Variants in CDH10 observed in about 807,000 individuals in gnomAD.
CDH10 encodes the protein cadherin-10.
Under a neutral mutation model 73.1 loss-of-function variants are expected in CDH10, and 30 were observed. The observed-to-expected ratio is 0.41, with a 90% CI of 0.31 to 0.56. CDH10 has a LOEUF of 0.56. Among genes scored for constraint, CDH10 ranks in the 20% least tolerant of loss-of-function variants. CDH10 has a pLI of 0.27. For synonymous variants in CDH10, 345 were observed against 348.2 expected (o/e 0.99, Z 0.10); for missense variants, 815 against 973.7 (o/e 0.84, Z 2.17).
chr5:24,535,768 T>C lies in CDH10; in HGVS notation c.581A>G (p.Asn194Ser), dbSNP rs1743928875. 1 of 1,610,570 alleles carries C rather than the reference T, an allele frequency of 6.2e-7. No individual in the cohort carries two copies. The highest frequency in any genetic ancestry group is 1.3e-5 in the African/African-American group (1 of 74,834). ...ATDADDPSYGNSARVIYSILQ... is the reference protein window; with the variant it reads ...ATDADDPSYGSSARVIYSILQ... ...TATGCTGTAAATGACTCTGGCGCTG[T>C]TCCCATATGAAGGGTCATCGGCATC... The change falls in exon 4 of 12, where the codon AAC (asparagine) becomes AGC (serine). Residue 194 changes from asparagine to serine, a missense_variant. Asn to Ser is a conservative substitution (Grantham distance 46, BLOSUM62 1). Transcript: ENST00000264463.
At chr5:24,488,255 A>G in intron 11 of CDH10, 102 bp from the exon 12 acceptor site, 1 of 964,542 alleles carries the variant, frequency 1.0e-6, no homozygotes, top group Non-Finnish European at 1.5e-6. Context: ...GCTTTCTATA[A>G]CAGCTTAGAC....
At chr5:24,525,372 C>A (rs553082752) in intron 5 of CDH10, among the ~76,000 whole-genome samples, 1 of 151,804 alleles carries the variant, frequency 6.6e-6, no homozygotes, top group Non-Finnish European at 1.5e-5. Flanking sequence ...TTAACTTTAG[C>A]TTAATTTTTT....
intron 1 of CDH10, among the ~76,000 whole-genome samples, chr5:24,627,559 T>C (rs1339946096): frequency 6.6e-6 from 1 of 152,174 alleles, no homozygotes; most frequent in African/African-American, 2.4e-5. Flanking sequence ...TCTGGCTCTC[T>C]TGTTTACTAG....
intron 5 of CDH10, 113 bp downstream of exon 5, chr5:24,534,999 A>G (rs1743893496): frequency 1.1e-6 from 1 of 944,308 alleles, no homozygotes; most frequent in African/African-American, 1.7e-5. Flanking sequence ...CATTTTCAAT[A>G]TGTTTTAAAT....
intron 2 of CDH10, among the ~76,000 whole-genome samples, chr5:24,563,950 A>C (rs1745068667): frequency 6.6e-6 from 1 of 152,170 alleles, no homozygotes; most frequent in South Asian, 2.1e-4. Context: ...AATCATATTA[A>C]TCTGCTTCTG....
At chr5:24,498,991 G>A (rs1219962808) in intron 8 of CDH10, among the ~76,000 whole-genome samples, 2 of 152,192 alleles carry the variant, frequency 1.3e-5, no homozygotes, top group East Asian at 1.9e-4. Context: ...CTTCCACAGC[G>A]TGGAAGGGGA....
chr5:24,498,137 T>C (rs1742359879), intron 9 of CDH10, among the ~76,000 whole-genome samples: 1 of 152,196 alleles, frequency 6.6e-6, no homozygotes, highest in African/African-American at 2.4e-5. Context: ...AAAGTAGTTA[T>C]TTTTTCTTAT....
chr5:24,602,678 T>G (rs1746608830), intron 1 of CDH10, among the ~76,000 whole-genome samples: 1 of 152,186 alleles, frequency 6.6e-6, no homozygotes, highest in Non-Finnish European at 1.5e-5. Context: ...ATGGACTGAG[T>G]TAATCAAAGA....
chr5:24,567,938 T>G (rs2112011871), intron 2 of CDH10, among the ~76,000 whole-genome samples: 1 of 152,250 alleles, frequency 6.6e-6, no homozygotes, highest in Admixed American at 6.5e-5. Flanking sequence ...AATGTACACT[T>G]CAATGATGTC....
chr5:24,500,254 T>TA (rs528126429), intron 8 of CDH10, among the ~76,000 whole-genome samples: 1 of 152,228 alleles, frequency 6.6e-6, no homozygotes, highest in Non-Finnish European at 1.5e-5. Context: ...ATCAGCACTT[T>TA]AAAAAATGAT....
intron 1 of CDH10, among the ~76,000 whole-genome samples, chr5:24,594,924 T>C (rs1579454768): frequency 1.3e-5 from 2 of 151,974 alleles, no homozygotes; most frequent in African/African-American, 4.8e-5. Flanking sequence ...AGATGTTCAA[T>C]AAACAGTTTG....
intron 2 of CDH10, among the ~76,000 whole-genome samples, chr5:24,574,322 CTAT>C (rs1451018345): frequency 6.6e-6 from 1 of 152,094 alleles, no homozygotes; most frequent in Non-Finnish European, 1.5e-5. Flanking sequence ...CACTGCGTAT[CTAT>C]TATTCAATTC....
chr5:24,629,286 T>C (rs1403439460), intron 1 of CDH10, among the ~76,000 whole-genome samples: 1 of 152,162 alleles, frequency 6.6e-6, no homozygotes, highest in East Asian at 1.9e-4. Flanking sequence ...AACATCTCAG[T>C]ATTTTCTAGT....
At chr5:24,569,054 G>A (rs1745269504) in intron 2 of CDH10, among the ~76,000 whole-genome samples, 1 of 151,762 alleles carries the variant, frequency 6.6e-6, no homozygotes, top group Non-Finnish European at 1.5e-5. Context: ...AGCTTGCATT[G>A]AGCCGAGATC....
chr5:24,538,186 A>G (rs1744026373), intron 2 of CDH10, among the ~76,000 whole-genome samples: 1 of 152,084 alleles, frequency 6.6e-6, no homozygotes, highest in African/African-American at 2.4e-5. Flanking sequence ...TAAAAACAAC[A>G]TACATTATTT....
chr5:24,638,609 G>A (rs528948582), intron 1 of CDH10, among the ~76,000 whole-genome samples: 2 of 151,876 alleles, frequency 1.3e-5, no homozygotes, highest in African/African-American at 4.8e-5. Context: ...AATTTAGGGA[G>A]CCAAATGCAG....
intron 5 of CDH10, among the ~76,000 whole-genome samples, chr5:24,531,418 G>T (rs773413537): frequency 2.0e-5 from 3 of 152,000 alleles, no homozygotes; most frequent in Non-Finnish European, 4.4e-5. Context: ...TTCTAAAATG[G>T]CTGTATTAGT....
intron 5 of CDH10, among the ~76,000 whole-genome samples, chr5:24,513,496 C>G (rs887684043): frequency 2.6e-5 from 4 of 152,122 alleles, no homozygotes; most frequent in Admixed American, 1.3e-4. Flanking sequence ...ACACCTTGTT[C>G]TCAGGATTCT....
In CDH10 at chr5:24,640,865, T is replaced by G. The variant is rs115276004; in HGVS notation, c.-124+3729A>C. On this transcript the variant is annotated intron_variant, in intron 1 of 11. Coordinates refer to ENST00000264463, the MANE Select transcript of CDH10 (RefSeq NM_006727.5). ...AAATCAGATAAAAATATAAAGAAAC[T>G]GATGAAAATAAAGCACTTTCATTCT... Among the ~76,000 whole-genome samples the G allele has an allele frequency of 8.5e-3, 1,295 of 151,990 alleles. 19 individuals are homozygous for G. The highest frequency in any genetic ancestry group is 0.03 in the African/African-American group (1,235 of 41,518).
Sources: allele counts gnomAD v4.1 joint callset (sites outside exome capture counted in the v4.1 genomes callset), GRCh38; gene constraint gnomAD v4.1.1; transcripts MANE v1.5; gene names NCBI Gene and HGNC (gene_info 2026-07-23, HGNC 2026-07-21).